NAV3: variants seen among roughly 807,000 people sequenced by gnomAD.
NAV3 encodes pore membrane and/or filament interacting like protein 1.
A neutral mutation model predicts 244.7 loss-of-function variants in NAV3; 87 were observed. The observed-to-expected ratio is 0.36, with a 90% confidence interval of 0.30 to 0.42. NAV3 has a LOEUF of 0.42. Ranked by LOEUF, NAV3 falls within the 20% of genes least tolerant of loss-of-function variation. The pLI is 1.00. For missense variants in NAV3, 2,663 were observed against 2,893.3 expected, an observed-to-expected ratio of 0.92 and a Z score of 1.83; for synonymous variants, 1,126 against 1,042.2, an observed-to-expected ratio of 1.08 and a Z score of -1.55.
chr12:78,118,729 G>A (rs181995596), intron 14 of NAV3, among the ~76,000 whole-genome samples: 1 of 152,322 alleles, frequency 6.6e-6, no homozygotes, highest in East Asian at 1.9e-4. Context: ...GAATGCTGGA[G>A]ATTTGAAATA....
At chr12:78,027,784 T>G (rs1389079307) in intron 9 of NAV3, among the ~76,000 whole-genome samples, 1 of 152,186 alleles carries the variant, frequency 6.6e-6, no homozygotes, top group African/African-American at 2.4e-5. Flanking sequence ...GTGCCCCACA[T>G]TGGGTCAAGA....
At chr12:77,794,364 G>A (rs1033288608) in intron 2 of NAV3, among the ~76,000 whole-genome samples, 3 of 151,836 alleles carry the variant, frequency 2.0e-5, no homozygotes, top group African/African-American at 7.3e-5. Flanking sequence ...AACTTTTTAG[G>A]GTCTTCTTTT....
intron 38 of NAV3, among the ~76,000 whole-genome samples, chr12:78,203,124 A>G (rs1268657673): frequency 6.6e-6 from 1 of 152,050 alleles, no homozygotes; most frequent in East Asian, 1.9e-4. Flanking sequence ...CTAGTCAGCT[A>G]TCAATTCATC....
intron 12 of NAV3, 104 bp from the exon 13 acceptor site, chr12:78,116,668 A>G: frequency 1.6e-6 from 2 of 1,226,984 alleles, no homozygotes. Flanking sequence ...ATATTTTTTA[A>G]AAGAATGTCT....
At chr12:78,188,546 T>C (rs1958829331) in intron 32 of NAV3, 63 bp from the exon 33 acceptor site, 5 of 1,480,412 alleles carry the variant, frequency 3.4e-6, no homozygotes, top group Non-Finnish European at 4.6e-6. Context: ...CTGTGAGTTA[T>C]GTATTTGTTG....
At chr12:77,883,561 C>G (rs190124481) in intron 1 of NAV3, among the ~76,000 whole-genome samples, 5 of 152,152 alleles carry the variant, frequency 3.3e-5, no homozygotes, top group African/African-American at 1.2e-4. Context: ...TGTAACAAAC[C>G]TGCACATGTA....
At chr12:78,026,899 G>A (rs2136902791) in intron 9 of NAV3, among the ~76,000 whole-genome samples, 1 of 152,204 alleles carries the variant, frequency 6.6e-6, no homozygotes, top group African/African-American at 2.4e-5. Flanking sequence ...ACAGTAAACA[G>A]AAAAGATAGG....
At chr12:77,704,251 T>G (rs1875691198) in intron 2 of NAV3, among the ~76,000 whole-genome samples, 1 of 152,146 alleles carries the variant, frequency 6.6e-6, no homozygotes, top group Non-Finnish European at 1.5e-5. Flanking sequence ...ACAAATATGC[T>G]TTTGTCTGTG....
chr12:78,203,388 C>T (rs909397045), intron 38 of NAV3, among the ~76,000 whole-genome samples: 1 of 152,030 alleles, frequency 6.6e-6, no homozygotes, highest in African/African-American at 2.4e-5. Flanking sequence ...CTATATGTTA[C>T]ATCTATAAAG....
chr12:77,648,300 C>A (rs1220238471), intron 2 of NAV3, among the ~76,000 whole-genome samples: 1 of 152,052 alleles, frequency 6.6e-6, no homozygotes, highest in African/African-American at 2.4e-5. Context: ...TTCAGAAGCA[C>A]ACATACTCGT....
intron 2 of NAV3, among the ~76,000 whole-genome samples, chr12:77,608,026 A>G (rs1218968387): frequency 6.6e-6 from 1 of 152,130 alleles, no homozygotes; most frequent in Non-Finnish European, 1.5e-5. Context: ...TAAAACTTAA[A>G]TATTGACAAG....
At chr12:77,672,594 C>T (rs563866100) in intron 2 of NAV3, among the ~76,000 whole-genome samples, 8 of 151,530 alleles carry the variant, frequency 5.3e-5, no homozygotes, top group Admixed American at 1.3e-4. Flanking sequence ...TTCCATGGTG[C>T]GTACACATAT....
intron 8 of NAV3, among the ~76,000 whole-genome samples, chr12:78,011,266 A>G (rs1210776151): frequency 2.6e-5 from 4 of 152,122 alleles, no homozygotes; most frequent in African/African-American, 4.8e-5. Context: ...ATTGCTGCAT[A>G]CTTTTTCATT....
At chr12:77,826,780 G>T (rs1314746861), upstream of NAV3, among the ~76,000 whole-genome samples, 1 of 152,188 alleles carries the variant, frequency 6.6e-6, no homozygotes, top group African/African-American at 2.4e-5. Context: ...TTGAGAGTGA[G>T]ACATTATCTA....
intron 1 of NAV3, among the ~76,000 whole-genome samples, chr12:77,839,652 C>T (rs1875272386): frequency 6.6e-6 from 1 of 152,212 alleles, no homozygotes; most frequent in Admixed American, 6.5e-5. Flanking sequence ...TTATTACCTA[C>T]TAGTATTATA....
intron 38 of NAV3, among the ~76,000 whole-genome samples, 177 bp from the exon 39 acceptor site, chr12:78,204,758 T>C (rs1047766527): frequency 6.6e-6 from 1 of 152,146 alleles, no homozygotes; most frequent in Non-Finnish European, 1.5e-5. Context: ...AAGTTTAAAG[T>C]GAGCTATGTA....
At position 78,119,502 on chromosome 12, in the gene NAV3, T is replaced by C; in HGVS notation, c.3306T>C (p.Ile1102=). The change falls in exon 15 of 40, where the codon ATT becomes ATC. Residue 1102 remains isoleucine (I), a synonymous_variant. Coordinates refer to ENST00000397909, the MANE Select transcript of NAV3 (RefSeq NM_001024383.2). The part of the protein sequence containing the change: ...TLGKIPKSAA[I]GGKSNAGRKT... ...GTAAAATTCCAAAATCTGCTGCCAT[T>C]GGCGGGAAGTCAAATGCAGGGAGAA... 6.2e-7 allele frequency: 1 copy of C among 1,614,172 alleles called. No homozygotes were observed. Among genetic ancestry groups the C allele is most frequent in the Non-Finnish European group, 8.5e-7 (1 of 1,180,034 alleles).
At chr12:77,985,120 C>T (rs1870260629) in intron 5 of NAV3, among the ~76,000 whole-genome samples, 1 of 151,990 alleles carries the variant, frequency 6.6e-6, no homozygotes, top group Non-Finnish European at 1.5e-5. Context: ...CCAGCCTATA[C>T]TTTTTATGAA....
chr12:77,722,997 G>A (rs1876707204), intron 2 of NAV3, among the ~76,000 whole-genome samples: 2 of 152,128 alleles, frequency 1.3e-5, no homozygotes, highest in South Asian at 2.1e-4. Flanking sequence ...GGGCATGATT[G>A]TAGCTTTTGT....
Sources: allele counts gnomAD v4.1 joint callset (sites outside exome capture counted in the v4.1 genomes callset), GRCh38; gene constraint gnomAD v4.1.1; transcripts MANE v1.5; gene names NCBI Gene and HGNC (gene_info 2026-07-23, HGNC 2026-07-21).